TMEM132D: variants seen among roughly 807,000 people sequenced by gnomAD.
TMEM132D encodes the protein mature OL transmembrane protein.
TMEM132D carries 21 observed loss-of-function variants against 62.3 expected under a neutral mutation model. The ratio of observed to expected loss-of-function variants is 0.34; its 90% CI spans 0.24 to 0.49. The LOEUF (loss-of-function observed/expected upper bound fraction) is 0.49. TMEM132D is among the 20% of genes least tolerant of loss of function. The pLI is 0.99. For missense variants in TMEM132D, 1,346 were observed against 1,402.8 expected, an observed-to-expected ratio of 0.96 and a Z score of 0.65; for synonymous variants, 621 against 575.6, an observed-to-expected ratio of 1.08 and a Z score of -1.13.
intron 1 of TMEM132D, among the ~76,000 whole-genome samples, chr12:129,817,669 G>GGGGT (rs1555233635): frequency 5.2e-5 from 7 of 135,628 alleles, no homozygotes; most frequent in Admixed American, 1.5e-4. Context: ...GTGTGTGGGG[G>GGGGT]GTATGTGTGG....
chr12:129,673,583 C>T (rs1356541300), intron 2 of TMEM132D, among the ~76,000 whole-genome samples: 1 of 152,088 alleles, frequency 6.6e-6, no homozygotes, highest in Non-Finnish European at 1.5e-5. Context: ...TTCTCGTGTC[C>T]GAATAAAATT....
At chr12:129,670,923 A>G (rs189443927) in intron 2 of TMEM132D, among the ~76,000 whole-genome samples, 36 of 152,326 alleles carry the variant, frequency 2.4e-4, no homozygotes, top group African/African-American at 8.7e-4. Context: ...GAGGATATAC[A>G]TATTTACATT....
intron 2 of TMEM132D, among the ~76,000 whole-genome samples, chr12:129,566,784 T>C (rs1877379433): frequency 6.6e-6 from 1 of 152,232 alleles, no homozygotes; most frequent in African/African-American, 2.4e-5. Flanking sequence ...TCTATTTACC[T>C]AAGCCTCTAG....
chr12:129,184,222 G>A lies in TMEM132D; in HGVS notation c.1443+25298C>T, dbSNP rs1199496067. Among the ~76,000 whole-genome samples the A allele has an allele frequency of 5.9e-5, 9 of 152,144 alleles. No homozygotes were observed. In the South Asian group the frequency reaches 1.7e-3, roughly 28 times the overall value. ...CAGGCCACCCGCAGCAGCCATGCAG[G>A]CGGAGGGGCATGGGGAGTCTCTTCT... is the stretch of plus-strand genomic sequence containing the variant. On this transcript the variant is annotated intron_variant, in intron 5 of 8. Coordinates refer to ENST00000422113, the MANE Select transcript of TMEM132D (RefSeq NM_133448.3).
intron 1 of TMEM132D, among the ~76,000 whole-genome samples, chr12:129,874,849 C>A (rs529759923): frequency 6.6e-6 from 1 of 151,848 alleles, no homozygotes; most frequent in Non-Finnish European, 1.5e-5. Context: ...TACAGGCGTG[C>A]GCCACCACGC....
At chr12:129,772,561 C>T (rs1463106932) in intron 1 of TMEM132D, among the ~76,000 whole-genome samples, 3 of 152,186 alleles carry the variant, frequency 2.0e-5, no homozygotes, top group African/African-American at 4.8e-5. Flanking sequence ...TCATAAATCC[C>T]GTGGCATGGT....
At chr12:129,813,631 T>TATATATATATATA (rs36010730) in intron 1 of TMEM132D, among the ~76,000 whole-genome samples, 7 of 144,012 alleles carry the variant, frequency 4.9e-5, no homozygotes, top group South Asian at 2.3e-4. Context: ...TATATATATA[T>TATATATATATATA]TTTCAGGACT....
intron 1 of TMEM132D, among the ~76,000 whole-genome samples, chr12:129,866,769 G>C (rs2137373282): frequency 6.6e-6 from 1 of 152,114 alleles, no homozygotes; most frequent in African/African-American, 2.4e-5. Context: ...CCCACTCTGG[G>C]TATATATCCA....
At chr12:129,253,293 C>T (rs757520357) in intron 4 of TMEM132D, among the ~76,000 whole-genome samples, 2 of 151,008 alleles carry the variant, frequency 1.3e-5, no homozygotes, top group African/African-American at 2.4e-5. Flanking sequence ...TACCAGAAAG[C>T]CTTGAATCAT....
chr12:129,359,218 T>G (rs943807688), intron 3 of TMEM132D, among the ~76,000 whole-genome samples: 3 of 152,098 alleles, frequency 2.0e-5, no homozygotes, highest in African/African-American at 7.2e-5. Flanking sequence ...ACATCAACAA[T>G]AGGCCAATCC....
At chr12:129,869,403 A>G (rs1473150502) in intron 1 of TMEM132D, among the ~76,000 whole-genome samples, 1 of 152,254 alleles carries the variant, frequency 6.6e-6, no homozygotes, top group African/African-American at 2.4e-5. Flanking sequence ...CAAATGAAAT[A>G]GTATTTGCAT....
At chr12:129,409,392 A>T (rs184336691) in intron 3 of TMEM132D, among the ~76,000 whole-genome samples, 1 of 152,168 alleles carries the variant, frequency 6.6e-6, no homozygotes, top group Non-Finnish European at 1.5e-5. Flanking sequence ...ACACACACAC[A>T]TGCACGCACG....
At chr12:129,665,478 A>T (rs1394296810) in intron 2 of TMEM132D, among the ~76,000 whole-genome samples, 1 of 152,128 alleles carries the variant, frequency 6.6e-6, no homozygotes, top group Non-Finnish European at 1.5e-5. Flanking sequence ...GCGGAAAATT[A>T]AAACTAGGAA....
At chr12:129,132,549 G>C (rs990933422) in intron 5 of TMEM132D, among the ~76,000 whole-genome samples, 1 of 152,096 alleles carries the variant, frequency 6.6e-6, no homozygotes, top group Admixed American at 6.5e-5. Flanking sequence ...GTCTCCAGAA[G>C]GTATTTGTTT....
chr12:129,335,439 A>G (rs1869242566), intron 4 of TMEM132D, among the ~76,000 whole-genome samples: 1 of 152,090 alleles, frequency 6.6e-6, no homozygotes, highest in Non-Finnish European at 1.5e-5. Context: ...CACCTAGTCT[A>G]AGTACACTTT....
At chr12:129,345,204 C>T (rs140252469) in intron 3 of TMEM132D, among the ~76,000 whole-genome samples, 87 of 152,260 alleles carry the variant, frequency 5.7e-4, no homozygotes, top group Middle Eastern at 6.8e-3. Flanking sequence ...ATTCATGGCT[C>T]AGTTCACTTA....
intron 5 of TMEM132D, among the ~76,000 whole-genome samples, chr12:129,129,972 C>A (rs553664280): frequency 2.7e-5 from 4 of 150,648 alleles, no homozygotes; most frequent in African/African-American, 7.3e-5. Context: ...TTATTTTCCA[C>A]GATAAAGTAC....
At chr12:129,746,345 T>C (rs1304319273) in intron 1 of TMEM132D, among the ~76,000 whole-genome samples, 2 of 152,154 alleles carry the variant, frequency 1.3e-5, no homozygotes, top group Non-Finnish European at 2.9e-5. Context: ...TTGAGATGAC[T>C]CTTCCTGCTG....
chr12:129,683,104 T>C (rs1028372119), intron 2 of TMEM132D: 1 of 151,996 alleles, frequency 6.6e-6, no homozygotes, highest in Non-Finnish European at 1.5e-5. Flanking sequence ...GAAAATATTT[T>C]AGTTAGCTCA....
Sources: allele counts gnomAD v4.1 joint callset (sites outside exome capture counted in the v4.1 genomes callset), GRCh38; gene constraint gnomAD v4.1.1; transcripts MANE v1.5; gene names NCBI Gene and HGNC (gene_info 2026-07-23, HGNC 2026-07-21).